The following CLDN16 variants were observed in gnomAD, a reference collection of about 807,000 sequenced individuals.
CLDN16 encodes claudin-16.
A neutral mutation model predicts 24.6 loss-of-function variants in CLDN16; 13 were observed. The ratio of observed to expected loss-of-function variants is 0.53; its 90% CI spans 0.34 to 0.84. The LOEUF is 0.84. Among genes scored for constraint, CLDN16 ranks in the 40% least tolerant of loss-of-function variants. The pLI, the probability that CLDN16 is intolerant of heterozygous loss-of-function variation, is 0.01. For missense variants in CLDN16, 298 were observed against 292.7 expected, an observed-to-expected ratio of 1.02 and a Z score of -0.13; for synonymous variants, 116 against 106.7, an observed-to-expected ratio of 1.09 and a Z score of -0.54.
chr3:190,361,351 C>T (rs1277977047), intron 1 of CLDN16, among the ~76,000 whole-genome samples: 4 of 151,926 alleles, frequency 2.6e-5, no homozygotes, highest in Admixed American at 6.6e-5. Context: ...CAGACCTAAC[C>T]GACGCCATCT....
At chr3:190,384,777 T>G (rs1239067604), upstream of CLDN16, among the ~76,000 whole-genome samples, 2 of 152,164 alleles carry the variant, frequency 1.3e-5, no homozygotes, top group African/African-American at 4.8e-5. Context: ...GCCTACCATA[T>G]GCCAGGTAGA....
intron 1 of CLDN16, among the ~76,000 whole-genome samples, chr3:190,352,523 A>G (rs554413924): frequency 1.3e-5 from 2 of 152,272 alleles, no homozygotes; most frequent in African/African-American, 2.4e-5. Flanking sequence ...GCAAAGTGCT[A>G]TTTGAATTTT....
chr3:190,388,359 C>T lies in CLDN16; in HGVS notation c.30C>T (p.Cys10=). Residue 10 remains cysteine, a synonymous_variant, in exon 1 of 5, where the codon TGC becomes TGT. Transcript: ENST00000264734. ...GGGATCTTCTTCAATACATCGCTTGCTTCTTTGCCTTTTTCTCTGCTGGGT... is the reference window on the plus strand; with the variant it reads ...GGGATCTTCTTCAATACATCGCTTGTTTCTTTGCCTTTTTCTCTGCTGGGT... MRDLLQYIA[C]FFAFFSAGFL... 6.2e-7 allele frequency: 1 copy of T among 1,614,108 alleles called. No individual in the cohort carries two copies. Among genetic ancestry groups the T allele is most frequent in the South Asian group, 1.1e-5 (1 of 91,082 alleles).
At chr3:190,305,100 T>A in the CLDN16 span, among the ~76,000 whole-genome samples, 1 of 152,220 alleles carries the variant, frequency 6.6e-6, no homozygotes, top group East Asian at 1.9e-4. Flanking sequence ...TAAGGAGAAT[T>A]CAAGTCAAAT....
chr3:190,328,700 TATAA>T (rs1471779766), intron 1 of CLDN16, among the ~76,000 whole-genome samples: 1 of 152,066 alleles, frequency 6.6e-6, no homozygotes, highest in South Asian at 2.1e-4. Flanking sequence ...AGATTTTATA[TATAA>T]ATATAGAGCA....
In CLDN16 at chr3:190,331,939, C is replaced by T. The variant is rs552465032; in HGVS notation, n.121+9278C>T. Among the ~76,000 whole-genome samples, 8 of 152,218 alleles carry T rather than the reference C, an allele frequency of 5.3e-5. No homozygotes were observed. The East Asian group carries it at 5.8e-4, about 11-fold the overall frequency. ...CCCTTGGCTCATGGCCATCTTCCTC[C>T]GTCTTCAAAGCCAGCAAGTATGGGC... On this transcript the variant is annotated intron_variant and non_coding_transcript_variant, in intron 1 of 4. Transcript: ENST00000468220.
At chr3:190,353,030 C>T (rs13340153) in intron 1 of CLDN16, among the ~76,000 whole-genome samples, 15,902 of 151,964 alleles carry the variant, frequency 0.1, 1,146 homozygotes, top group African/African-American at 0.2. Context: ...TAATAAAATA[C>T]GCAACCAATA....
rs550246052 is a variant in CLDN16, at chr3:190,405,408, G to C, written c.382+482G>C. On this transcript the variant is annotated intron_variant, in intron 3 of 4. Transcript: ENST00000264734. ...CCACTGCACTCCAGCCTGGGCAACA[G>C]AGCAAGACTCCGTCTCACGGAAAAA... is the stretch of plus-strand genomic sequence containing the variant. 1.7e-5 allele frequency among the ~76,000 whole-genome samples: 2 copies of C among 114,884 alleles called. 1 individual carries two copies. The highest frequency in any genetic ancestry group is 7.0e-5 in the African/African-American group (2 of 28,758). 75.4% of individuals were successfully genotyped at this position (114,884 alleles called of 152,430 possible).
the CLDN16 span, among the ~76,000 whole-genome samples, chr3:190,300,593 G>A: frequency 6.6e-6 from 1 of 152,212 alleles, no homozygotes; most frequent in Non-Finnish European, 1.5e-5. Context: ...GACAATTTAT[G>A]TGACCCACAA....
upstream of CLDN16, among the ~76,000 whole-genome samples, chr3:190,317,909 C>T (rs1457696103): frequency 6.6e-6 from 1 of 152,198 alleles, no homozygotes; most frequent in African/African-American, 2.4e-5. Flanking sequence ...CCCTTTGCAT[C>T]TGTAGTTGCT....
chr3:190,325,416 T>G (rs377525901), intron 1 of CLDN16, among the ~76,000 whole-genome samples: 14 of 152,326 alleles, frequency 9.2e-5, no homozygotes, highest in East Asian at 7.7e-4. Flanking sequence ...TGTGACTGTC[T>G]CTTCTTAATA....
intron 1 of CLDN16, among the ~76,000 whole-genome samples, chr3:190,392,874 A>G (rs1440782705): frequency 1.3e-5 from 2 of 152,174 alleles, no homozygotes; most frequent in East Asian, 1.9e-4. Flanking sequence ...TACCATAGGC[A>G]AGGGTTTGTC....
At chr3:190,380,689 A>T (rs1416837006) in intron 3 of CLDN16, among the ~76,000 whole-genome samples, 2 of 152,130 alleles carry the variant, frequency 1.3e-5, no homozygotes, top group Admixed American at 6.6e-5. Context: ...AAGGTTGAGA[A>T]TTGCTTGAAC....
the CLDN16 span, chr3:190,305,681 A>G: frequency 6.6e-6 from 1 of 152,188 alleles, no homozygotes; most frequent in East Asian, 1.9e-4. Context: ...CTTGCAATAA[A>G]TGATTAGAAA....
the CLDN16 span, among the ~76,000 whole-genome samples, chr3:190,291,753 C>A: frequency 3.2e-3 from 485 of 152,204 alleles, 4 homozygotes; most frequent in African/African-American, 0.011. Flanking sequence ...TTCCAAGATA[C>A]AATGGGGATA....
At chr3:190,328,677 A>C (rs1339391169) in intron 1 of CLDN16, among the ~76,000 whole-genome samples, 1 of 141,002 alleles carries the variant, frequency 7.1e-6, no homozygotes, top group Admixed American at 7.3e-5. Flanking sequence ...ATTCTACGTA[A>C]AAAAAAAAAA....
chr3:190,369,110 A>C (rs1179368883), intron 1 of CLDN16, among the ~76,000 whole-genome samples: 1 of 151,878 alleles, frequency 6.6e-6, no homozygotes, highest in Non-Finnish European at 1.5e-5. Flanking sequence ...ATGCTCCTTG[A>C]AAGACAGATT....
intron 1 of CLDN16, among the ~76,000 whole-genome samples, chr3:190,393,741 A>C (rs1001749442): frequency 8.8e-6 from 1 of 114,240 alleles, no homozygotes; most frequent in African/African-American, 3.3e-5. Context: ...TAAAGCTGTC[A>C]TTTGCCTTTT....
intron 3 of CLDN16, among the ~76,000 whole-genome samples, chr3:190,375,591 T>G (rs887532406): frequency 6.6e-6 from 1 of 151,962 alleles, no homozygotes; most frequent in African/African-American, 2.4e-5. Context: ...TGGTACTACT[T>G]GAAATTTTAG....
Sources: gnomAD v4.1 joint callset for allele counts (sites outside exome capture counted in the v4.1 genomes callset) on GRCh38, gnomAD v4.1.1 for gene constraint, MANE v1.5 for transcripts, NCBI Gene and HGNC (gene_info 2026-07-23, HGNC 2026-07-21) for gene names.